Variants in FRY observed in about 807,000 individuals in gnomAD.
FRY encodes the protein FRY microtubule binding protein.
Under a neutral mutation model 348.4 loss-of-function variants are expected in FRY, and 128 were observed. That is an observed-to-expected ratio of 0.37 (90% CI 0.32 to 0.43). FRY has a LOEUF of 0.43. Among genes scored for constraint, FRY ranks in the 20% least tolerant of loss-of-function variants. FRY has a pLI of 1.00. For synonymous variants in FRY, 1,370 were observed against 1,374.7 expected, an observed-to-expected ratio of 1.00 and a Z score of 0.08; for missense variants, 2,736 against 3,695.2, an observed-to-expected ratio of 0.74 and a Z score of 6.73.
intron 16 of FRY, among the ~76,000 whole-genome samples, chr13:32,157,778 A>T (rs689401): frequency 0.69 from 105,039 of 152,058 alleles, 36,712 homozygotes; most frequent in East Asian, 0.98. Flanking sequence ...CCTACTTCAT[A>T]GTTTCTGTGT....
At chr13:32,041,642 C>T (rs1298333725) in intron 1 of FRY, among the ~76,000 whole-genome samples, 2 of 152,156 alleles carry the variant, frequency 1.3e-5, no homozygotes, top group East Asian at 3.9e-4. Context: ...GTTTCACTTT[C>T]CTCATGATTT....
rs1049966169 is a variant in FRY, at chr13:32,240,509, T to C, written c.6687+628T>C. 2.6e-5 allele frequency among the ~76,000 whole-genome samples: 4 copies of C among 152,346 alleles called. No homozygotes were observed. In the East Asian group the frequency reaches 7.7e-4, roughly 29 times the overall value. On this transcript the variant is annotated intron_variant, in intron 46 of 60. Coordinates refer to ENST00000542859, the MANE Select transcript of FRY (RefSeq NM_023037.3). ...TTTATGTTTGTTTTTAAAACTGGAA[T>C]GGTACTTTGTCATCATACCAACGTG...
At chr13:32,190,390 C>T (rs1049821198) in intron 28 of FRY, among the ~76,000 whole-genome samples, 9 of 151,932 alleles carry the variant, frequency 5.9e-5, no homozygotes, top group Non-Finnish European at 1.0e-4. Flanking sequence ...TCACAGGTGA[C>T]ACAATTGTGT....
chr13:32,278,617 A>G (rs1281136292), intron 58 of FRY, 69 bp downstream of exon 58: 2 of 869,168 alleles, frequency 2.3e-6, no homozygotes, highest in African/African-American at 1.6e-5. Context: ...GGTCTACCCA[A>G]GAAGCCTGGA....
chr13:32,283,791 T>C (rs1466489277), intron 58 of FRY, among the ~76,000 whole-genome samples: 1 of 152,242 alleles, frequency 6.6e-6, no homozygotes, highest in African/African-American at 2.4e-5. Context: ...AAGAACACTT[T>C]ACTCATTTGC....
At chr13:32,272,988 C>T (rs973120081) in intron 55 of FRY, among the ~76,000 whole-genome samples, 13 of 151,938 alleles carry the variant, frequency 8.6e-5, no homozygotes, top group Non-Finnish European at 5.9e-5. Context: ...TTGTGATCCT[C>T]CTGCCTCGGC....
chr13:32,110,154 G>A (rs1444022847), intron 3 of FRY, among the ~76,000 whole-genome samples: 1 of 152,200 alleles, frequency 6.6e-6, no homozygotes, highest in Non-Finnish European at 1.5e-5. Flanking sequence ...ATACTTTGAA[G>A]CTTACTTTCA....
intron 10 of FRY, among the ~76,000 whole-genome samples, 184 bp from the exon 11 acceptor site, chr13:32,136,687 G>A (rs1879743032): frequency 2.0e-5 from 3 of 152,226 alleles, no homozygotes; most frequent in Admixed American, 1.3e-4. Flanking sequence ...AGCATTATCA[G>A]AAAGCGTTTG....
Position 32,073,440 on chromosome 13 carries a change from T to C in FRY, c.71-5394T>C, listed in dbSNP as rs191437342. Among the ~76,000 whole-genome samples the C allele has an allele frequency of 9.2e-5, 14 of 152,318 alleles. No homozygotes were observed. The East Asian group carries it at 1.5e-3, about 17-fold the overall frequency. ...TAGCACCTGAATGCCTGTAGGCAGA[T>C]AGAGAAGAGCAGGTCCCTCTAGCCA... On this transcript the variant is annotated intron_variant, in intron 1 of 60. Transcript: ENST00000542859.
intron 1 of FRY, among the ~76,000 whole-genome samples, chr13:32,070,317 A>G (rs1029591634): frequency 6.6e-6 from 1 of 152,130 alleles, no homozygotes; most frequent in African/African-American, 2.4e-5. Flanking sequence ...GGTTGAACTA[A>G]TTTACACTCC....
At chr13:32,162,545 A>T (rs568681175) in intron 17 of FRY, among the ~76,000 whole-genome samples, 63 of 152,052 alleles carry the variant, frequency 4.1e-4, no homozygotes, top group African/African-American at 1.5e-3. Context: ...GCTTTTAGAA[A>T]CTACTGCCCT....
At chr13:32,038,349 C>T (rs187039344) in intron 1 of FRY, 17 of 152,222 alleles carry the variant, frequency 1.1e-4, no homozygotes, top group Admixed American at 9.2e-4. Flanking sequence ...ATATGTATTA[C>T]GATTTTCCGA....
intron 1 of FRY, among the ~76,000 whole-genome samples, chr13:32,077,929 A>G (rs963520039): frequency 6.6e-6 from 1 of 152,138 alleles, no homozygotes; most frequent in Non-Finnish European, 1.5e-5. Context: ...TCCCAAGCCC[A>G]CTTGCTCTTA....
intron 2 of FRY, among the ~76,000 whole-genome samples, chr13:32,098,943 G>A (rs1447129357): frequency 1.3e-5 from 2 of 151,922 alleles, no homozygotes; most frequent in Non-Finnish European, 2.9e-5. Flanking sequence ...GATTTGTAAG[G>A]CTCTTGGTGA....
At position 32,239,909 on chromosome 13, in the gene FRY, A is replaced by G; in HGVS notation, c.6687+28A>G. The G allele has an allele frequency of 6.3e-7, 1 of 1,596,398 alleles. No homozygotes were observed. Among genetic ancestry groups the G allele is most frequent in the Non-Finnish European group, 8.6e-7 (1 of 1,166,994 alleles). On this transcript the variant is annotated intron_variant, in intron 46 of 60. Coordinates refer to ENST00000542859, the MANE Select transcript of FRY (RefSeq NM_023037.3). This position sits in a 1 kb window ranked among gnomAD's most constrained non-coding sequence, Gnocchi z 4.3. ...AAGCTTTTTTTTTTTGTTTTTTGAG[A>G]CAGGGTCTCATTATGTTGCCCAGGC...
chr13:32,183,450 G>T (rs544228265), intron 24 of FRY, among the ~76,000 whole-genome samples: 2 of 137,298 alleles, frequency 1.5e-5, no homozygotes, highest in South Asian at 4.7e-4. Flanking sequence ...TGAAAAGGAT[G>T]AACTTATAAT....
chr13:32,292,278 C>T (rs1050367150), intron 59 of FRY, among the ~76,000 whole-genome samples: 4 of 152,054 alleles, frequency 2.6e-5, no homozygotes, highest in South Asian at 2.1e-4. Flanking sequence ...CCACCACACC[C>T]GGCCCAAACA....
chr13:32,269,997 A>G (rs1198244475), intron 55 of FRY, among the ~76,000 whole-genome samples: 1 of 152,216 alleles, frequency 6.6e-6, no homozygotes, highest in Non-Finnish European at 1.5e-5. Context: ...GGGTAAATTA[A>G]TGTCATGTCT....
chr13:32,135,920 C>T (rs941117118), intron 10 of FRY, among the ~76,000 whole-genome samples: 3 of 152,058 alleles, frequency 2.0e-5, no homozygotes, highest in Non-Finnish European at 2.9e-5. Flanking sequence ...TTTGCTCATT[C>T]GTCTACATTC....
Sources: gnomAD v4.1 joint callset for allele counts (sites outside exome capture counted in the v4.1 genomes callset) on GRCh38, gnomAD v4.1.1 for gene constraint, Gnocchi (gnomAD v3.1) non-coding constraint, MANE v1.5 for transcripts, NCBI Gene and HGNC (gene_info 2026-07-23, HGNC 2026-07-21) for gene names.